XPO4: variants seen among roughly 807,000 people sequenced by gnomAD.
The protein encoded by XPO4 is exportin-4.
A neutral mutation model predicts 143.0 loss-of-function variants in XPO4; 39 were observed. The observed-to-expected ratio is 0.27, with a 90% confidence interval of 0.21 to 0.36. The LOEUF is 0.36. Ranked by LOEUF, XPO4 falls within the 10% of genes least tolerant of loss-of-function variation. The pLI is 1.00. For synonymous variants in XPO4, 439 were observed against 474.0 expected (o/e 0.93, Z 0.96); for missense variants, 907 against 1,348.0 (o/e 0.67, Z 5.12).
chr13:20,834,529 C>T (rs1319806002), intron 6 of XPO4, among the ~76,000 whole-genome samples: 1 of 151,396 alleles, frequency 6.6e-6, no homozygotes, highest in Non-Finnish European at 1.5e-5. Context: ...GCCATGATTA[C>T]ACCCCTGCAC....
chr13:20,842,898 T>C lies in XPO4; in HGVS notation c.724A>G (p.Asn242Asp). 3 of 1,606,956 alleles carry C rather than the reference T, an allele frequency of 1.9e-6. No homozygotes were observed. Among genetic ancestry groups the C allele is most frequent in the Non-Finnish European group, 2.6e-6 (3 of 1,175,444 alleles). ...QVLSWNFLPPNLGRHYIAMFE... is the reference protein window; with the variant it reads ...QVLSWNFLPPDLGRHYIAMFE... ...TATTCATTTGTTAAAAGGATATAAT[T>C]TGGAGGAAGAAAGTTCCAGCTCAAG... is the stretch of plus-strand genomic sequence containing the variant. Residue 242 changes from asparagine (N) to aspartate (D), a missense_variant, in exon 6 of 23, where the codon AAT (asparagine) becomes GAT (aspartate). Coordinates refer to ENST00000255305, the MANE Select transcript of XPO4 (RefSeq NM_022459.5).
chr13:20,809,033 T>C (rs977338653), intron 11 of XPO4, 50 bp downstream of exon 11: 28 of 1,588,582 alleles, frequency 1.8e-5, no homozygotes, highest in East Asian at 4.5e-5. Flanking sequence ...CTCCAGGGAA[T>C]TGTGAATAGA....
intron 1 of XPO4, among the ~76,000 whole-genome samples, chr13:20,886,385 G>T (rs1321086563): frequency 6.6e-6 from 1 of 152,130 alleles, no homozygotes; most frequent in African/African-American, 2.4e-5. Context: ...GCTGAGGCGG[G>T]TGGATCACTT....
At chr13:20,893,863 A>C (rs1159351147) in intron 1 of XPO4, among the ~76,000 whole-genome samples, 1 of 151,980 alleles carries the variant, frequency 6.6e-6, no homozygotes, top group Non-Finnish European at 1.5e-5. Context: ...TTTGTTTTTG[A>C]AACAGAGTTC....
At chr13:20,811,292 T>C (rs1397137290) in intron 9 of XPO4, among the ~76,000 whole-genome samples, 2 of 149,686 alleles carry the variant, frequency 1.3e-5, no homozygotes, top group East Asian at 3.9e-4. Flanking sequence ...TTTTTTCTTT[T>C]TTTTTTTTTT....
At chr13:20,856,945 A>G (rs1445947181) in intron 3 of XPO4, 2 of 973,500 alleles carry the variant, frequency 2.1e-6, no homozygotes, top group Non-Finnish European at 2.4e-6. Context: ...CAGATCAGCC[A>G]CCCACTCTAT....
chr13:20,889,172 TTTAAG>T (rs869066253), intron 1 of XPO4, among the ~76,000 whole-genome samples: 5 of 152,116 alleles, frequency 3.3e-5, no homozygotes, highest in African/African-American at 1.2e-4. Flanking sequence ...ACTGTTTAAG[TTTAAG>T]TTAATTAAAA....
At chr13:20,823,664 C>T (rs978768042) in intron 7 of XPO4, among the ~76,000 whole-genome samples, 1 of 148,022 alleles carries the variant, frequency 6.8e-6, no homozygotes, top group Non-Finnish European at 1.5e-5. Context: ...CTTTTTTTTT[C>T]CCCCGAAACA....
intron 18 of XPO4, among the ~76,000 whole-genome samples, chr13:20,793,540 C>T (rs181810142): frequency 6.6e-6 from 1 of 152,180 alleles, no homozygotes; most frequent in African/African-American, 2.4e-5. Flanking sequence ...AGCCCCCCTG[C>T]CCTTTCTTAT....
intron 1 of XPO4, among the ~76,000 whole-genome samples, chr13:20,898,212 T>C (rs771509904): frequency 3.9e-5 from 6 of 152,224 alleles, no homozygotes; most frequent in African/African-American, 2.4e-5. Flanking sequence ...TGAAAACCAG[T>C]CATGAATCTC....
At chr13:20,870,536 C>A (rs1274784376) in intron 1 of XPO4, among the ~76,000 whole-genome samples, 1 of 151,948 alleles carries the variant, frequency 6.6e-6, no homozygotes, top group Non-Finnish European at 1.5e-5. Flanking sequence ...AGATCACCTG[C>A]CTGGCCAACA....
At chr13:20,847,509 A>G (rs1595126416) in intron 4 of XPO4, among the ~76,000 whole-genome samples, 1 of 152,214 alleles carries the variant, frequency 6.6e-6, no homozygotes, top group African/African-American at 2.4e-5. Flanking sequence ...CACCAGCTTC[A>G]GCTTTTCTTA....
chr13:20,785,429 T>C (rs1194660504), intron 22 of XPO4, among the ~76,000 whole-genome samples: 1 of 151,934 alleles, frequency 6.6e-6, no homozygotes, highest in African/African-American at 2.4e-5. Context: ...CCTAGGCACT[T>C]TGGGAGGCCG....
chr13:20,902,472 G>A (rs1361381857), intron 1 of XPO4, 198 bp downstream of exon 1: 3 of 985,308 alleles, frequency 3.0e-6, no homozygotes, highest in Non-Finnish European at 3.6e-6. Context: ...GAAGGGGACA[G>A]CTCCTGGAAG....
intron 13 of XPO4, among the ~76,000 whole-genome samples, chr13:20,805,051 T>G (rs2059486520): frequency 6.6e-6 from 1 of 152,038 alleles, no homozygotes; most frequent in African/African-American, 2.4e-5. Context: ...TTCAAGCGAT[T>G]ATCATGCCTC....
At chr13:20,850,730 A>G (rs771772424) in intron 4 of XPO4, 41 of 900,390 alleles carry the variant, frequency 4.6e-5, no homozygotes, top group Non-Finnish European at 5.0e-5. Context: ...ATGTCACTGC[A>G]CTTCAGCCCA....
chr13:20,820,230 G>T (rs17058712), intron 9 of XPO4, among the ~76,000 whole-genome samples: 1 of 152,166 alleles, frequency 6.6e-6, no homozygotes, highest in African/African-American at 2.4e-5. Flanking sequence ...ATGCATGCAG[G>T]CTTTCTATAT....
chr13:20,823,853 T>C (rs1295297204), intron 7 of XPO4, among the ~76,000 whole-genome samples: 1 of 152,218 alleles, frequency 6.6e-6, no homozygotes, highest in Non-Finnish European at 1.5e-5. Flanking sequence ...GGTTTCGCCA[T>C]GTTGGCCAGG....
chr13:20,808,155 T>C (rs558063481), intron 12 of XPO4, among the ~76,000 whole-genome samples: 2 of 152,236 alleles, frequency 1.3e-5, no homozygotes, highest in African/African-American at 4.8e-5. Context: ...CATCTATTAG[T>C]TGGGGATAAT....
Sources: allele counts gnomAD v4.1 joint callset (sites outside exome capture counted in the v4.1 genomes callset), GRCh38; gene constraint gnomAD v4.1.1; transcripts MANE v1.5; gene names NCBI Gene and HGNC (gene_info 2026-07-23, HGNC 2026-07-21).